TNFRSF1A: variants seen among roughly 807,000 people sequenced by gnomAD.
The protein encoded by TNFRSF1A is TNF receptor superfamily member 1A.
In TNFRSF1A, 9 loss-of-function variants were observed where a neutral mutation model predicts 41.6. The ratio of observed to expected loss-of-function variants is 0.22; its 90% confidence interval spans 0.13 to 0.38. The LOEUF (loss-of-function observed/expected upper bound fraction) is 0.38. Among genes scored for constraint, TNFRSF1A ranks in the 10% least tolerant of loss-of-function variants. The pLI, the probability that TNFRSF1A is intolerant of heterozygous loss-of-function variation, is 1.00. For missense variants in TNFRSF1A, 463 were observed against 591.5 expected (o/e 0.78, Z 2.25); for synonymous variants, 254 against 248.6 (o/e 1.02, Z -0.21).
chr12:6,339,810 C>A (rs112021748), intron 1 of TNFRSF1A, among the ~76,000 whole-genome samples: 1 of 148,248 alleles, frequency 6.7e-6, no homozygotes, highest in African/African-American at 2.5e-5. Flanking sequence ...TACTCCCCTA[C>A]CCCACTTCTC....
Position 6,333,570 on chromosome 12 carries a change from C to T in TNFRSF1A, c.323-54G>A. The T allele has an allele frequency of 1.9e-6, 3 of 1,612,130 alleles. No individual in the cohort carries two copies. The highest frequency in any genetic ancestry group is 1.1e-5 in the South Asian group (1 of 90,818). Reference sequence around the variant, plus strand: ...TCCTGCATCCTCCTGTCCCTGCATCCCCTTCCTGACATACCCCTAAGTGTG... The same window carrying T: ...TCCTGCATCCTCCTGTCCCTGCATCTCCTTCCTGACATACCCCTAAGTGTG... On this transcript the variant is annotated intron_variant, in intron 3 of 9. Coordinates refer to ENST00000162749, the MANE Select transcript of TNFRSF1A (RefSeq NM_001065.4). The surrounding 1 kb of genome is among the most constrained non-coding windows in gnomAD (Gnocchi z 6.3).
At chr12:6,329,668 C>A in intron 9 of TNFRSF1A, 46 bp from the exon 10 acceptor site, 2 of 1,552,722 alleles carry the variant, frequency 1.3e-6, no homozygotes, top group Non-Finnish European at 1.7e-6. Context: ...ACCCCAGGCC[C>A]CGCCCCGCAT....
Position 6,334,297 on chromosome 12 carries a change from G to A in TNFRSF1A, c.40-53C>T, listed in dbSNP as rs1452368409. 3.2e-6 allele frequency: 5 copies of A among 1,556,262 alleles called. No individual in the cohort carries two copies. In the African/African-American group the frequency reaches 4.1e-5, roughly 13 times the overall value. On this transcript the variant is annotated intron_variant, in intron 1 of 9. Transcript: ENST00000162749. This position sits in a 1 kb window ranked among gnomAD's most constrained non-coding sequence, Gnocchi z 5.1. Reference sequence around the variant, plus strand: ...CCATCAAGAGAGGGAGGGATGGGAAGCTTAGGGGTAGCAGATCTAAAACTT... The same window carrying A: ...CCATCAAGAGAGGGAGGGATGGGAAACTTAGGGGTAGCAGATCTAAAACTT...
At position 6,337,239 on chromosome 12, in the gene TNFRSF1A, C is replaced by G. The variant is rs542331082; in HGVS notation, c.40-2995G>C. 2.0e-5 allele frequency among the ~76,000 whole-genome samples: 3 copies of G among 152,318 alleles called. No homozygotes were observed. The highest frequency in any genetic ancestry group is 7.2e-5 in the African/African-American group (3 of 41,566). On this transcript the variant is annotated intron_variant, in intron 1 of 9. Coordinates refer to ENST00000162749, the MANE Select transcript of TNFRSF1A (RefSeq NM_001065.4). The surrounding 1 kb of genome is among the most constrained non-coding windows in gnomAD (Gnocchi z 4.6). ...CAGCAGTTGCGTAAATGAAGCAAAA[C>G]AGGAGAAACAGGAGGTGAGCTCTTT...
chr12:6,330,484 A>G (rs771534885), intron 7 of TNFRSF1A, 114 bp downstream of exon 7: 3 of 1,007,668 alleles, frequency 3.0e-6, no homozygotes, highest in Non-Finnish European at 4.7e-6. Flanking sequence ...CAGAGTCCCC[A>G]GCGGTATGAA....
chr12:6,337,561 C>T lies in TNFRSF1A; in HGVS notation c.40-3317G>A, dbSNP rs181070208. ...GGGGGAGGTCGTGGCAGCTTCTCCT[C>T]CAAGGGCCCAGTTGAGATCCCATCT... On this transcript the variant is annotated intron_variant, in intron 1 of 9. Transcript: ENST00000162749. This position sits in a 1 kb window ranked among gnomAD's most constrained non-coding sequence, Gnocchi z 4.6. 1.1e-3 allele frequency among the ~76,000 whole-genome samples: 167 copies of T among 152,262 alleles called. No individual in the cohort carries two copies. The highest frequency in any genetic ancestry group is 2.0e-3 in the Non-Finnish European group (137 of 68,008).
At chr12:6,336,151 G>C (rs747273690) in intron 1 of TNFRSF1A, among the ~76,000 whole-genome samples, 2 of 152,176 alleles carry the variant, frequency 1.3e-5, no homozygotes, top group Non-Finnish European at 2.9e-5. Context: ...TCATGATGAA[G>C]AACTGGGGGA....
Position 6,334,008 on chromosome 12 carries a change from G to A in TNFRSF1A, c.193+83C>T. The A allele has an allele frequency of 1.2e-6, 2 of 1,611,504 alleles. No individual in the cohort carries two copies. Among genetic ancestry groups the A allele is most frequent in the Non-Finnish European group, 1.7e-6 (2 of 1,177,666 alleles). On this transcript the variant is annotated intron_variant, in intron 2 of 9. Transcript: ENST00000162749. This position sits in a 1 kb window ranked among gnomAD's most constrained non-coding sequence, Gnocchi z 5.1. ...ATCCCAGCCCAGGAGAGACAGCAAA[G>A]TTAGGGAAGAACAACTGGAAGAAGC... is the stretch of plus-strand genomic sequence containing the variant.
intron 5 of TNFRSF1A, chr12:6,331,180 G>A (rs1948045712): frequency 1.9e-6 from 1 of 539,250 alleles, no homozygotes; most frequent in African/African-American, 1.9e-5. Flanking sequence ...GTAAATTCCA[G>A]TTCATTCCTT....
chr12:6,335,392 G>A (rs528364156), intron 1 of TNFRSF1A, among the ~76,000 whole-genome samples: 1 of 152,284 alleles, frequency 6.6e-6, no homozygotes, highest in South Asian at 2.1e-4. Flanking sequence ...TGACTGTCAG[G>A]TCAGAGCTGA....
At chr12:6,340,327 T>A (rs931117706) in intron 1 of TNFRSF1A, among the ~76,000 whole-genome samples, 4 of 152,184 alleles carry the variant, frequency 2.6e-5, no homozygotes, top group African/African-American at 9.7e-5. Context: ...GACACCCATT[T>A]TGGAGATAAA....
At position 6,341,821 on chromosome 12, in the gene TNFRSF1A, C is replaced by G. The variant is rs1296801084; in HGVS notation, c.-7G>C. ...GCACGGTGGAGAGGCCCATGCCAGACAGCTATGGCCTCTCACTCCCCCATT... is the reference window on the plus strand; with the variant it reads ...GCACGGTGGAGAGGCCCATGCCAGAGAGCTATGGCCTCTCACTCCCCCATT... On this transcript the variant is annotated 5_prime_UTR_variant, in exon 1 of 10. Coordinates refer to ENST00000162749, the MANE Select transcript of TNFRSF1A (RefSeq NM_001065.4). The surrounding 1 kb of genome is among the most constrained non-coding windows in gnomAD (Gnocchi z 4.6). 4 of 1,614,086 alleles carry G rather than the reference C, an allele frequency of 2.5e-6. No homozygotes were observed. Among genetic ancestry groups the G allele is most frequent in the South Asian group, 2.2e-5 (2 of 91,094 alleles).
At chr12:6,336,286 A>G (rs928328072) in intron 1 of TNFRSF1A, among the ~76,000 whole-genome samples, 14 of 151,638 alleles carry the variant, frequency 9.2e-5, no homozygotes, top group African/African-American at 3.1e-4. Context: ...TCTTTCCAGC[A>G]CTCTGGGGGT....
At chr12:6,336,236 A>G (rs1948118351) in intron 1 of TNFRSF1A, among the ~76,000 whole-genome samples, 5 of 152,090 alleles carry the variant, frequency 3.3e-5, no homozygotes, top group Admixed American at 3.3e-4. Flanking sequence ...CCCTGGAGGG[A>G]GGGAGGGAGA....
chr12:6,331,338 G>A (rs547343905), intron 5 of TNFRSF1A: 1 of 305,680 alleles, frequency 3.3e-6, no homozygotes, highest in Admixed American at 4.6e-5. Context: ...CCAGCTAGCT[G>A]TTATGGGATT....
chr12:6,340,075 G>T lies in TNFRSF1A; in HGVS notation c.39+1701C>A, dbSNP rs78095404. Among the ~76,000 whole-genome samples the T allele has an allele frequency of 5.3e-5, 8 of 152,204 alleles. No homozygotes were observed. The East Asian group carries it at 1.5e-3, about 29-fold the overall frequency. On this transcript the variant is annotated intron_variant, in intron 1 of 9. Transcript: ENST00000162749. ...TTTACCCTCTGTTTTCCCAACACAG[G>T]TAGCCACCCAGTAATTACTACTAGT...
chr12:6,336,653 C>T (rs1219184663), intron 1 of TNFRSF1A, among the ~76,000 whole-genome samples: 4 of 152,220 alleles, frequency 2.6e-5, no homozygotes, highest in Admixed American at 1.3e-4. Flanking sequence ...CTGGCTTCCG[C>T]CCATCAGGTC....
At position 6,334,262 on chromosome 12, in the gene TNFRSF1A, AGAG is replaced by A. The variant is rs745375593; in HGVS notation, c.40-21_40-19del. 2.5e-6 allele frequency: 4 copies of A among 1,609,572 alleles called. No individual in the cohort carries two copies. The highest frequency in any genetic ancestry group is 1.7e-6 in the Non-Finnish European group (2 of 1,176,862). ...AGGAGCACCTGGGGAAGAATCAGATAGAGGAGACACCATCAAGAGAGGGAGGGA... is the reference window on the plus strand; with the variant it reads ...AGGAGCACCTGGGGAAGAATCAGATAGAGACACCATCAAGAGAGGGAGGGA... On this transcript the variant is annotated intron_variant, in intron 1 of 9. Transcript: ENST00000162749. The surrounding 1 kb of genome is among the most constrained non-coding windows in gnomAD (Gnocchi z 5.1).
Position 6,342,065 on chromosome 12 carries a change from G to A in TNFRSF1A, c.-251C>T. On this transcript the variant is annotated 5_prime_UTR_variant, in exon 1 of 10. Transcript: ENST00000162749. ...GCAGAGAGGAGGGGAGAGAAGGTGG[G>A]AGGGGAAGAGTGAGGCAGTGTTGCA... is the stretch of plus-strand genomic sequence containing the variant. The A allele has an allele frequency of 1.7e-6, 1 of 579,684 alleles. No individual in the cohort carries two copies. The allele number at this position is 579,684 out of a possible 1,614,324, so 35.9% of individuals were successfully genotyped here. A position where few individuals can be genotyped will look rare whatever the true frequency, so the allele number is the denominator to read the frequency against.
Sources: gnomAD v4.1 joint callset for allele counts (sites outside exome capture counted in the v4.1 genomes callset) on GRCh38, gnomAD v4.1.1 for gene constraint, Gnocchi (gnomAD v3.1) non-coding constraint, MANE v1.5 for transcripts, NCBI Gene and HGNC (gene_info 2026-07-23, HGNC 2026-07-21) for gene names.